Variants in NOC2L observed in about 807,000 individuals in gnomAD.
NOC2L encodes the protein NOC2 like nucleolar associated transcriptional repressor, also known as nucleolar complex protein 2 homolog.
NOC2L carries 101 observed loss-of-function variants against 94.2 expected under a neutral mutation model. That is an observed-to-expected ratio of 1.07 (90% confidence interval 0.91 to 1.26). The LOEUF (loss-of-function observed/expected upper bound fraction) is 1.26, where lower values mean the gene tolerates loss of function less well. Ranked by LOEUF, NOC2L falls within the 50% of genes most tolerant of loss-of-function variation. The pLI, the probability that NOC2L is intolerant of heterozygous loss-of-function variation, is 0.00. For missense variants in NOC2L, 1,076 were observed against 980.1 expected (o/e 1.10, Z -1.31); for synonymous variants, 531 against 413.4 (o/e 1.28, Z -3.45).
At chr1:955,582 G>A (rs979624081) in intron 6 of NOC2L, among the ~76,000 whole-genome samples, 2 of 152,208 alleles carry the variant, frequency 1.3e-5, no homozygotes, top group Admixed American at 6.5e-5. Context: ...AGAGATCAAG[G>A]AGTATGGACA....
At chr1:959,155 G>A (rs1642508146) in intron 1 of NOC2L, 60 bp downstream of exon 1, 12 of 1,611,886 alleles carry the variant, frequency 7.4e-6, no homozygotes, top group African/African-American at 2.7e-5. Context: ...AGCAAGAAAA[G>A]CCCCCTTGGA....
At chr1:954,513 G>T in intron 6 of NOC2L, 1 of 168,326 alleles carries the variant, frequency 5.9e-6, no homozygotes, top group Non-Finnish European at 1.3e-5. Flanking sequence ...GTTTCCTTTG[G>T]CCCACATTTG....
Position 944,242 on chromosome 1 carries a change from C to A in NOC2L, c.*452G>T, listed in dbSNP as rs894087603. The A allele has an allele frequency of 2.8e-6, 4 of 1,447,196 alleles. No individual in the cohort carries two copies. The highest frequency in any genetic ancestry group is 3.6e-6 in the Non-Finnish European group (4 of 1,100,464). 89.6% of individuals were successfully genotyped at this position (1,447,196 alleles called of 1,614,324 possible). A position where few individuals can be genotyped will look rare whatever the true frequency, so the allele number is the denominator to read the frequency against. ...CTGCCTCCCACCGCTTTATTTCTTT[C>A]GGTTTCGGATGCAAAACAAAAAATT... On this transcript the variant is annotated 3_prime_UTR_variant, in exon 19 of 19. Coordinates refer to ENST00000327044, the MANE Select transcript of NOC2L (RefSeq NM_015658.4).
chr1:945,082 G>A lies in NOC2L; in HGVS notation c.2118C>T (p.Gly706=), dbSNP rs776232896. The A allele has an allele frequency of 4.2e-5, 68 of 1,613,790 alleles. No individual in the cohort carries two copies. Among genetic ancestry groups the A allele is most frequent in the East Asian group, 1.3e-4 (6 of 44,884 alleles). Reference sequence around the variant, plus strand: ...CCTCCGAGTTGCTGCTGTCCTCCTCGCCCTCCTCCTCGTCCTCTTCATCGT... The same window carrying A: ...CCTCCGAGTTGCTGCTGTCCTCCTCACCCTCCTCCTCGTCCTCTTCATCGT... ...VEDDEEDEEE[G]EEDSSNSEDG... The change falls in exon 18 of 19, where the codon GGC becomes GGT. Residue 706 remains glycine (G), a synonymous_variant. Transcript: ENST00000327044.
chr1:952,165 A>G (rs768434007), intron 10 of NOC2L, 26 bp from the exon 11 acceptor site: 66 of 1,612,568 alleles, frequency 4.1e-5, no homozygotes, highest in Non-Finnish European at 5.3e-5. Context: ...CACGTCAGCT[A>G]CTGGCCAGGC....
intron 9 of NOC2L, 123 bp from the exon 10 acceptor site, chr1:952,723 G>A: frequency 1.0e-6 from 1 of 969,980 alleles, no homozygotes; most frequent in Non-Finnish European, 1.6e-6. Flanking sequence ...AAGAGCCGTA[G>A]CCCCTTGCAC....
chr1:951,869 C>G (rs1642268317), intron 11 of NOC2L, 131 bp downstream of exon 11: 3 of 1,033,432 alleles, frequency 2.9e-6, no homozygotes, highest in Non-Finnish European at 4.2e-6. Context: ...GGACCCCAGC[C>G]CTTCCTCAGG....
At position 957,243 on chromosome 1, in the gene NOC2L, T is replaced by C. The variant is rs756999177; in HGVS notation, c.210A>G (p.Lys70=). The C allele has an allele frequency of 2.5e-6, 4 of 1,613,738 alleles. No homozygotes were observed. The highest frequency in any genetic ancestry group is 1.7e-6 in the Non-Finnish European group (2 of 1,180,036). ...TGTCCTTCAGCCGAGAGAGCTGGTCTTTGTGCTCAGAGGCACGGCCTTTAC... is the reference window on the plus strand; with the variant it reads ...TGTCCTTCAGCCGAGAGAGCTGGTCCTTGTGCTCAGAGGCACGGCCTTTAC... ...SRRKGRASEH[K]DQLSRLKDRD... Residue 70 remains lysine, a synonymous_variant, in exon 3 of 19, where the codon AAA becomes AAG. Transcript: ENST00000327044.
In NOC2L at chr1:957,083, T is replaced by C. The variant is rs753126500; in HGVS notation, c.354+16A>G. 4 of 1,613,870 alleles carry C rather than the reference T, an allele frequency of 2.5e-6. No homozygotes were observed. The highest frequency in any genetic ancestry group is 3.4e-6 in the Non-Finnish European group (4 of 1,179,988). On this transcript the variant is annotated intron_variant, in intron 3 of 18. Coordinates refer to ENST00000327044, the MANE Select transcript of NOC2L (RefSeq NM_015658.4). ...AGAGACAAGTGCCCCCCTTCTGGTT[T>C]GGCCCACGCCCTCACCTCCAGCACA...
chr1:945,352 G>A, intron 17 of NOC2L, 166 bp downstream of exon 17: 2 of 979,344 alleles, frequency 2.0e-6, no homozygotes, highest in Non-Finnish European at 3.0e-6. Context: ...CTTCAAGGAG[G>A]GAAGGCGCTG....
chr1:957,127 G>A lies in NOC2L; in HGVS notation c.326C>T (p.Pro109Leu), dbSNP rs773184606. The A allele has an allele frequency of 4.3e-6, 7 of 1,613,942 alleles. No homozygotes were observed. The highest frequency in any genetic ancestry group is 3.3e-5 in the Admixed American group (2 of 60,010). ...CAGCACATCTGGCAGGGAGTGGAAC[G>A]GCCCCTCTTCCTCCTCAGAGCTGTC... Reference protein sequence around the residue: ...DSDSSEEEEGPFHSLPDVLEE... With the variant: ...DSDSSEEEEGLFHSLPDVLEE... Residue 109 changes from proline to leucine, a missense_variant, in exon 3 of 19, where the codon CCG becomes CTG. Pro to Leu is a moderately conservative substitution (Grantham distance 98). Around this residue, in one of 3 missense-constraint regions of NOC2L, gnomAD observed 457 missense variants for 386.0 expected, o/e 1.18. Transcript: ENST00000327044.
rs1445883791 is a variant in NOC2L at position 944,559 on chromosome 1, T to C, written c.*135A>G. ...ACGTTTGGTCTTTCATGCTGAAAAA[T>C]AAATAATAAAGCCTGTCCCGTGTCT... On this transcript the variant is annotated 3_prime_UTR_variant, in exon 19 of 19. Transcript: ENST00000327044. The C allele has an allele frequency of 4.7e-6, 3 of 631,748 alleles. No homozygotes were observed. In the Admixed American group the frequency reaches 9.9e-5, roughly 21 times the overall value. 39.1% of individuals were successfully genotyped at this position (631,748 alleles called of 1,614,324 possible). A position where few individuals can be genotyped will look rare whatever the true frequency, so the allele number is the denominator to read the frequency against.
In NOC2L at chr1:945,133, G is replaced by A; in HGVS notation, c.2067C>T (p.Pro689=). 1 of 1,609,264 alleles carries A rather than the reference G, an allele frequency of 6.2e-7. No individual in the cohort carries two copies. The highest frequency in any genetic ancestry group is 1.1e-5 in the South Asian group (1 of 90,414). ...EGFSERGILR[P]LSTRHGVEDD... is the part of the protein sequence containing the mutation. ...CTTCCACCCCATGCCGAGTGCTCAG[G>A]GGCCTCAGTATCCCTGAGGAACAAG... The change falls in exon 18 of 19, where the codon CCC becomes CCT. Residue 689 remains proline (P), a synonymous_variant. Coordinates refer to ENST00000327044, the MANE Select transcript of NOC2L (RefSeq NM_015658.4).
chr1:956,966 T>C lies in NOC2L; in HGVS notation c.414A>G (p.Arg138=), dbSNP rs779348741. 2 of 1,613,960 alleles carry C rather than the reference T, an allele frequency of 1.2e-6. No homozygotes were observed. Among genetic ancestry groups the C allele is most frequent in the East Asian group, 2.2e-5 (1 of 44,900 alleles). ...EEGEDGDRVP[R]GLKGKKNSVP... ...CAGAATTCTTCTTCCCCTTCAGCCC[T>C]CTGGGGACTCTGTCCCCATCTTCTC... Residue 138 remains arginine (R), a synonymous_variant, in exon 4 of 19, where the codon AGA becomes AGG. Transcript: ENST00000327044.
chr1:946,164 G>C lies in NOC2L; in HGVS notation c.1917+9C>G. 1.9e-6 allele frequency: 3 copies of C among 1,597,558 alleles called. No homozygotes were observed. Among genetic ancestry groups the C allele is most frequent in the Non-Finnish European group, 1.7e-6 (2 of 1,168,472 alleles). ...CAACACACCCCCAGGTCCCCTCGCC[G>C]AGCCGCACCCGCTCTTTGCCACTGA... is the stretch of plus-strand genomic sequence containing the variant. On this transcript the variant is annotated intron_variant, in intron 16 of 18. Coordinates refer to ENST00000327044, the MANE Select transcript of NOC2L (RefSeq NM_015658.4).
In NOC2L at chr1:948,205, G is replaced by A. The variant is rs1176706902; in HGVS notation, c.1585C>T (p.Leu529Phe). ...RDGLVEQLYD[L>F]TLEYLHSQAH... ...TGGCTGTGCAGGTACTCCAGGGTGA[G>A]GTCGTACAGCTGCTCCACCAGGCCG... The change falls in exon 14 of 19, where the codon CTC becomes TTC. Residue 529 changes from leucine (L) to phenylalanine (F), a missense_variant. This residue lies in a region of NOC2L where 615 missense variants were observed against 577.4 expected (regional missense o/e 1.07). Transcript: ENST00000327044. The A allele has an allele frequency of 3.8e-6, 6 of 1,587,794 alleles. No individual in the cohort carries two copies. In the South Asian group the frequency reaches 4.6e-5, roughly 12 times the overall value.
rs1273695182 is a variant in NOC2L, at chr1:944,266, T to A, written c.*428A>T. On this transcript the variant is annotated 3_prime_UTR_variant, in exon 19 of 19. Transcript: ENST00000327044. ...TCGGTTTCGGATGCAAAACAAAAAA[T>A]TTTAAAAGAAAATGTGACTTCAAAG... The A allele has an allele frequency of 8.3e-6, 12 of 1,449,894 alleles. No homozygotes were observed. Among genetic ancestry groups the A allele is most frequent in the African/African-American group, 2.9e-5 (2 of 69,510 alleles). 89.8% of individuals were successfully genotyped at this position (1,449,894 alleles called of 1,614,324 possible).
At chr1:948,744 C>T (rs1005990931) in intron 12 of NOC2L, 141 bp from the exon 13 acceptor site, 26 of 627,726 alleles carry the variant, frequency 4.1e-5, no homozygotes, top group East Asian at 1.6e-4. Context: ...GGCTTCAGCA[C>T]GAGGAGACCC....
At position 949,077 on chromosome 1, in the gene NOC2L, C is replaced by G. The variant is rs1368608041; in HGVS notation, c.1444-474G>C. 6.6e-5 allele frequency among the ~76,000 whole-genome samples: 10 copies of G among 151,546 alleles called. No individual in the cohort carries two copies. In the South Asian group the frequency reaches 1.0e-3, roughly 16 times the overall value. ...AAAGAGTGCCAGACACAGGACGGGACAGATGGAGGTCACGGGAGGCCTGGG... is the reference window on the plus strand; with the variant it reads ...AAAGAGTGCCAGACACAGGACGGGAGAGATGGAGGTCACGGGAGGCCTGGG... On this transcript the variant is annotated intron_variant, in intron 12 of 18. Coordinates refer to ENST00000327044, the MANE Select transcript of NOC2L (RefSeq NM_015658.4).
Sources: gnomAD v4.1 joint callset for allele counts (sites outside exome capture counted in the v4.1 genomes callset) on GRCh38, gnomAD v4.1.1 for gene constraint, gnomAD v4.1.1 regional missense constraint, MANE v1.5 for transcripts, NCBI Gene and HGNC (gene_info 2026-07-23, HGNC 2026-07-21) for gene names.